TULP4: variants seen among roughly 807,000 people sequenced by gnomAD.
The protein encoded by TULP4 is tubby-related protein 4.
TULP4 carries 16 observed loss-of-function variants against 129.0 expected under a neutral mutation model. That is an observed-to-expected ratio of 0.12 (90% CI 0.08 to 0.19). TULP4 has a LOEUF of 0.19. TULP4 is among the 10% of genes least tolerant of loss of function. The probability of loss-of-function intolerance (pLI) is 1.00; values close to 1 mark genes in which losing one functional copy is unlikely to be tolerated. For synonymous variants in TULP4, 998 were observed against 854.0 expected (o/e 1.17, Z -2.94); for missense variants, 1,842 against 2,059.1 (o/e 0.89, Z 2.04).
At chr6:158,275,519 A>T (rs1778629780) in intron 1 of TULP4, among the ~76,000 whole-genome samples, 1 of 152,200 alleles carries the variant, frequency 6.6e-6, no homozygotes, top group African/African-American at 2.4e-5. Context: ...AGCCGTCTGG[A>T]TGGCCACAGT....
chr6:158,378,623 T>TA (rs1777255464), intron 1 of TULP4, among the ~76,000 whole-genome samples: 1 of 152,062 alleles, frequency 6.6e-6, no homozygotes, highest in African/African-American at 2.4e-5. Flanking sequence ...TAGCTGGAAT[T>TA]ACAGGCATGT....
Position 158,314,284 on chromosome 6 carries a change from G to T in TULP4, c.252+16G>T. On this transcript the variant is annotated intron_variant, in intron 1 of 13. Coordinates refer to ENST00000367097, the MANE Select transcript of TULP4 (RefSeq NM_020245.5). ...CAATAGCGAGGTGAGCTGTGGTTTT[G>T]TTTCACTTTTTGGTCACTTCCAGTG... 1 of 1,609,084 alleles carries T rather than the reference G, an allele frequency of 6.2e-7. No individual in the cohort carries two copies. Among genetic ancestry groups the T allele is most frequent in the Non-Finnish European group, 8.5e-7 (1 of 1,177,008 alleles).
Position 158,376,884 on chromosome 6 carries a change from A to G in TULP4, c.253-36181A>G, listed in dbSNP as rs1368118294. The stretch of plus-strand genomic sequence containing the variant: ...CATGACCACAGGGAGCAGCTGAGGG[A>G]CTCAGGGCAGCTGTCTCTGACACCT... On this transcript the variant is annotated intron_variant, in intron 1 of 13. Transcript: ENST00000367097. 3.3e-5 allele frequency among the ~76,000 whole-genome samples: 5 copies of G among 152,152 alleles called. No individual in the cohort carries two copies. The East Asian group carries it at 9.6e-4, about 29-fold the overall frequency.
chr6:158,283,291 AAG>A lies in TULP4; in HGVS notation n.116+915_116+916del, dbSNP rs999788370. Among the ~76,000 whole-genome samples the A allele has an allele frequency of 6.0e-4, 91 of 152,212 alleles. 1 individual carries two copies. Among genetic ancestry groups the A allele is most frequent in the Admixed American group, 1.3e-4 (2 of 15,280 alleles). ...CCATAAATGGTTATTGTTGTAATAA[AAG>A]AAAATCATTTTTAGAAATTTTGAAA... On this transcript the variant is annotated intron_variant and non_coding_transcript_variant, in intron 1 of 1. Coordinates refer to the TULP4 transcript ENST00000432358.
At chr6:158,366,425 G>C (rs575356745) in intron 1 of TULP4, among the ~76,000 whole-genome samples, 1 of 152,154 alleles carries the variant, frequency 6.6e-6, no homozygotes, top group South Asian at 2.1e-4. Context: ...CCCTTCGAAG[G>C]CTGCAGGCTC....
intron 1 of TULP4, among the ~76,000 whole-genome samples, chr6:158,400,681 GT>G (rs903713847): frequency 3.9e-4 from 60 of 152,108 alleles, no homozygotes; most frequent in Admixed American, 8.5e-4. Flanking sequence ...TCACTCTTTG[GT>G]TTTTTGGCAG....
At chr6:158,467,277 C>CTTT (rs59276592) in intron 6 of TULP4, among the ~76,000 whole-genome samples, 5 of 140,872 alleles carry the variant, frequency 3.5e-5, no homozygotes, top group Non-Finnish European at 6.2e-5. Context: ...CTTTCCCTTT[C>CTTT]TTTTTTTTTT....
intron 2 of TULP4, among the ~76,000 whole-genome samples, chr6:158,420,347 C>CA (rs1421920384): frequency 6.6e-6 from 1 of 152,188 alleles, no homozygotes; most frequent in East Asian, 1.9e-4. Flanking sequence ...CATAGCTTGC[C>CA]AATCCCTGTT....
chr6:158,236,054 T>C (rs1024913350), intron 1 of TULP4, among the ~76,000 whole-genome samples: 2 of 152,228 alleles, frequency 1.3e-5, no homozygotes, highest in East Asian at 3.8e-4. Flanking sequence ...GATGTTGTTT[T>C]TATTTCCCAG....
chr6:158,390,344 C>T (rs544958546), intron 1 of TULP4, among the ~76,000 whole-genome samples: 210 of 150,468 alleles, frequency 1.4e-3, no homozygotes, highest in African/African-American at 4.8e-3. Flanking sequence ...TAATTGTATG[C>T]GAACTACTTT....
intron 1 of TULP4, among the ~76,000 whole-genome samples, chr6:158,262,204 C>T (rs1242248275): frequency 1.3e-5 from 2 of 152,180 alleles, no homozygotes; most frequent in African/African-American, 2.4e-5. Context: ...CTGAAGGCAC[C>T]TGCTGTCACA....
intron 1 of TULP4, among the ~76,000 whole-genome samples, chr6:158,241,593 C>T (rs972075984): frequency 6.6e-5 from 10 of 151,810 alleles, no homozygotes; most frequent in East Asian, 1.9e-4. Flanking sequence ...ACCAGTCAGG[C>T]GTGAAATTGT....
chr6:158,455,160 C>T (rs1222939882), intron 5 of TULP4, among the ~76,000 whole-genome samples: 1 of 33,562 alleles, frequency 3.0e-5, no homozygotes, highest in Non-Finnish European at 5.6e-5. Flanking sequence ...CTGCAAGCTC[C>T]GCTTCCTGGG....
chr6:158,440,598 T>C (rs1021037442), intron 3 of TULP4, among the ~76,000 whole-genome samples: 4 of 152,206 alleles, frequency 2.6e-5, no homozygotes, highest in Non-Finnish European at 5.9e-5. Context: ...CCCATCTTTA[T>C]TTTAAGCCCT....
At position 158,509,978 on chromosome 6, in the gene TULP4, C is replaced by T. The variant is rs1562599438; in HGVS notation, c.*3284C>T. The stretch of plus-strand genomic sequence containing the variant: ...TAATAGTTTATGAATATCAAGATAC[C>T]TCATTGAATCCCTAAATTTAAAAGC... On this transcript the variant is annotated 3_prime_UTR_variant, in exon 14 of 14. Transcript: ENST00000367097. 1.3e-5 allele frequency: 2 copies of T among 152,170 alleles called. No homozygotes were observed. The highest frequency in any genetic ancestry group is 2.4e-5 in the African/African-American group (1 of 41,424). The allele number at this position is 152,170 out of a possible 1,614,324, so 9.4% of individuals were successfully genotyped here. A position where few individuals can be genotyped will look rare whatever the true frequency, so the allele number is the denominator to read the frequency against.
chr6:158,392,353 G>A (rs554741567), intron 1 of TULP4, among the ~76,000 whole-genome samples: 54 of 152,224 alleles, frequency 3.5e-4, no homozygotes, highest in Non-Finnish European at 6.0e-4. Context: ...GATGAGATTT[G>A]GGTGGAGACA....
At chr6:158,484,368 C>T (rs570345121) in intron 8 of TULP4, among the ~76,000 whole-genome samples, 1 of 151,766 alleles carries the variant, frequency 6.6e-6, no homozygotes, top group South Asian at 2.1e-4. Flanking sequence ...CCAGGCTGGT[C>T]TTAAACTTCT....
intron 1 of TULP4, among the ~76,000 whole-genome samples, chr6:158,327,412 A>G (rs1244877380): frequency 6.6e-6 from 1 of 151,928 alleles, no homozygotes; most frequent in Non-Finnish European, 1.5e-5. Flanking sequence ...TGCATCCTGG[A>G]TTTTCTCTGT....
intron 13 of TULP4, 46 bp from the exon 14 acceptor site, chr6:158,506,532 T>G: frequency 7.3e-7 from 1 of 1,369,644 alleles, no homozygotes; most frequent in Non-Finnish European, 1.0e-6. Context: ...CGCCTGGCCT[T>G]TTCACCTTAT....
Sources: gnomAD v4.1 joint callset for allele counts (sites outside exome capture counted in the v4.1 genomes callset) on GRCh38, gnomAD v4.1.1 for gene constraint, MANE v1.5 for transcripts, NCBI Gene and HGNC (gene_info 2026-07-23, HGNC 2026-07-21) for gene names.